SLC24A2: variants seen among roughly 807,000 people sequenced by gnomAD.
SLC24A2 encodes the protein solute carrier family 24 member 2.
Under a neutral mutation model 62.0 loss-of-function variants are expected in SLC24A2, and 36 were observed. That is an observed-to-expected ratio of 0.58 (90% CI 0.44 to 0.77). The LOEUF (loss-of-function observed/expected upper bound fraction) is 0.77. Ranked by LOEUF, SLC24A2 falls within the 30% of genes least tolerant of loss-of-function variation. The pLI, the probability that SLC24A2 is intolerant of heterozygous loss-of-function variation, is 0.00. For synonymous variants in SLC24A2, 358 were observed against 294.0 expected, an observed-to-expected ratio of 1.22 and a Z score of -2.23; for missense variants, 846 against 817.9, an observed-to-expected ratio of 1.03 and a Z score of -0.42.
chr9:20,127,955 G>A, the SLC24A2 span, among the ~76,000 whole-genome samples: 2 of 152,032 alleles, frequency 1.3e-5, no homozygotes, highest in South Asian at 2.1e-4. Flanking sequence ...GGGAAAGTGG[G>A]TGCAACACAG....
At chr9:19,976,271 C>T in the SLC24A2 span, among the ~76,000 whole-genome samples, 1 of 152,332 alleles carries the variant, frequency 6.6e-6, no homozygotes, top group East Asian at 1.9e-4. Flanking sequence ...TGTATCCCCA[C>T]CCAAATCTCA....
rs1589108110 is a variant in SLC24A2, at chr9:19,510,929, C to G, written c.*5224G>C. ...TTACTCTTTCTTAAGAAATCTGTCC[C>G]TAGCCATATTAAGGGCCTCTGTGGA... On this transcript the variant is annotated 3_prime_UTR_variant, in exon 11 of 11. Transcript: ENST00000341998. 6.6e-6 allele frequency: 1 copy of G among 152,228 alleles called. No homozygotes were observed. Among genetic ancestry groups the G allele is most frequent in the Non-Finnish European group, 1.5e-5 (1 of 68,072 alleles). The allele number at this position is 152,228 out of a possible 1,614,324, so 9.4% of individuals were successfully genotyped here. A position where few individuals can be genotyped will look rare whatever the true frequency, so the allele number is the denominator to read the frequency against.
chr9:20,180,048 G>A, the SLC24A2 span, among the ~76,000 whole-genome samples: 2 of 152,100 alleles, frequency 1.3e-5, no homozygotes, highest in East Asian at 1.9e-4. Flanking sequence ...AAAGATTTTG[G>A]CCATTGCCTG....
In SLC24A2 at chr9:19,510,468, C is replaced by T. The variant is rs995964500; in HGVS notation, c.*5685G>A. On this transcript the variant is annotated 3_prime_UTR_variant, in exon 11 of 11. Transcript: ENST00000341998. ...AAAAAAAAAAAAAAAAAAGTTAAGT[C>T]ATTAAGTGGATGGGTTTGGGTTAAC... is the stretch of plus-strand genomic sequence containing the variant. 45 of 132,586 alleles carry T rather than the reference C, an allele frequency of 3.4e-4. No individual in the cohort carries two copies. The highest frequency in any genetic ancestry group is 1.4e-3 in the Admixed American group (18 of 12,664). The allele number at this position is 132,586 out of a possible 1,614,324, so 8.2% of individuals were successfully genotyped here. A position where few individuals can be genotyped will look rare whatever the true frequency, so the allele number is the denominator to read the frequency against.
chr9:19,643,719 G>C (rs934556217), intron 2 of SLC24A2, among the ~76,000 whole-genome samples: 1 of 152,220 alleles, frequency 6.6e-6, no homozygotes, highest in African/African-American at 2.4e-5. Flanking sequence ...TCTCCAGTCT[G>C]CAAAGAACTT....
the SLC24A2 span, among the ~76,000 whole-genome samples, chr9:20,245,288 C>G: frequency 3.9e-5 from 6 of 152,096 alleles, no homozygotes; most frequent in Non-Finnish European, 8.8e-5. Context: ...CACGGGTTAC[C>G]TATGAAGGAG....
rs891493630 is a variant in SLC24A2 at position 19,513,992 on chromosome 9, T to A, written c.*2161A>T. The A allele has an allele frequency of 1.3e-5, 2 of 152,180 alleles. No individual in the cohort carries two copies. The highest frequency in any genetic ancestry group is 4.8e-5 in the African/African-American group (2 of 41,438). The allele number at this position is 152,180 out of a possible 1,614,324, so 9.4% of individuals were successfully genotyped here. A position where few individuals can be genotyped will look rare whatever the true frequency, so the allele number is the denominator to read the frequency against. ...CTCTATTGGATGGTGTTTCAATGTCTTGGAAGGCATTGTCCCACATCTGAA... is the reference window on the plus strand; with the variant it reads ...CTCTATTGGATGGTGTTTCAATGTCATGGAAGGCATTGTCCCACATCTGAA... On this transcript the variant is annotated 3_prime_UTR_variant, in exon 11 of 11. Coordinates refer to ENST00000341998, the MANE Select transcript of SLC24A2 (RefSeq NM_020344.4).
intron 1 of SLC24A2, among the ~76,000 whole-genome samples, chr9:19,787,371 C>T (rs1484631468): frequency 6.6e-6 from 1 of 152,176 alleles, no homozygotes; most frequent in Non-Finnish European, 1.5e-5. Flanking sequence ...GATTATCTCA[C>T]CTTAAATCAT....
the SLC24A2 span, among the ~76,000 whole-genome samples, chr9:20,179,563 C>T: frequency 6.6e-6 from 1 of 152,108 alleles, no homozygotes; most frequent in Non-Finnish European, 1.5e-5. Context: ...CCTGGAACCA[C>T]GATGTTGTTT....
At chr9:20,020,811 C>T in the SLC24A2 span, among the ~76,000 whole-genome samples, 12 of 152,224 alleles carry the variant, frequency 7.9e-5, no homozygotes, top group South Asian at 4.2e-4. Flanking sequence ...AGTAGAGCCA[C>T]GAACACTTTT....
At chr9:20,264,276 G>A in the SLC24A2 span, among the ~76,000 whole-genome samples, 1 of 152,226 alleles carries the variant, frequency 6.6e-6, no homozygotes, top group African/African-American at 2.4e-5. Flanking sequence ...GTTCCCTTGA[G>A]AGGAAGATTA....
the SLC24A2 span, among the ~76,000 whole-genome samples, chr9:19,937,793 G>C: frequency 6.6e-6 from 1 of 152,138 alleles, no homozygotes; most frequent in Admixed American, 6.5e-5. Context: ...GCAAAGCTGT[G>C]TTCTAATGCT....
chr9:20,204,236 G>T, the SLC24A2 span, among the ~76,000 whole-genome samples: 1 of 152,198 alleles, frequency 6.6e-6, no homozygotes, highest in Non-Finnish European at 1.5e-5. Context: ...TTGAATTGCT[G>T]AATGCCTGCT....
At chr9:20,173,996 G>A in the SLC24A2 span, among the ~76,000 whole-genome samples, 1 of 151,938 alleles carries the variant, frequency 6.6e-6, no homozygotes, top group South Asian at 2.1e-4. Flanking sequence ...TGGTATAAAA[G>A]TAGGCACATA....
At chr9:20,178,364 G>A in the SLC24A2 span, among the ~76,000 whole-genome samples, 1 of 152,072 alleles carries the variant, frequency 6.6e-6, no homozygotes, top group African/African-American at 2.4e-5. Context: ...GTGTGCAAAG[G>A]GCTTTATTAT....
chr9:19,838,271 T>G, the SLC24A2 span, among the ~76,000 whole-genome samples: 1 of 152,040 alleles, frequency 6.6e-6, no homozygotes, highest in African/African-American at 2.4e-5. Flanking sequence ...GCCACATATC[T>G]ACAACTATCT....
the SLC24A2 span, among the ~76,000 whole-genome samples, chr9:20,277,246 T>G: frequency 6.6e-6 from 1 of 152,080 alleles, no homozygotes; most frequent in African/African-American, 2.4e-5. Context: ...GGGATCTAAT[T>G]AAATAAAGAG....
the SLC24A2 span, among the ~76,000 whole-genome samples, chr9:19,877,360 G>A: frequency 7.1e-6 from 1 of 140,434 alleles, no homozygotes; most frequent in African/African-American, 2.6e-5. Context: ...GAATCTGTAG[G>A]CTAAACTATG....
intron 2 of SLC24A2, among the ~76,000 whole-genome samples, chr9:19,692,814 C>T (rs1445502062): frequency 6.6e-6 from 1 of 152,104 alleles, no homozygotes; most frequent in Non-Finnish European, 1.5e-5. Flanking sequence ...ATAGGAAGTG[C>T]TCGATAAAAA....
Sources: gnomAD v4.1 joint callset for allele counts (sites outside exome capture counted in the v4.1 genomes callset) on GRCh38, gnomAD v4.1.1 for gene constraint, MANE v1.5 for transcripts, NCBI Gene and HGNC (gene_info 2026-07-23, HGNC 2026-07-21) for gene names.